Variants in IQSEC1 observed in about 807,000 individuals in gnomAD.
IQSEC1 encodes IQ motif and SEC7 domain-containing protein 1.
Under a neutral mutation model 91.0 loss-of-function variants are expected in IQSEC1, and 31 were observed. The observed-to-expected ratio is 0.34, with a 90% CI of 0.26 to 0.46. The LOEUF (loss-of-function observed/expected upper bound fraction) is 0.46, where lower values mean the gene tolerates loss of function less well. Ranked by LOEUF, IQSEC1 falls within the 20% of genes least tolerant of loss-of-function variation. IQSEC1 has a pLI of 1.00. For synonymous variants in IQSEC1, 699 were observed against 662.6 expected (o/e 1.05, Z -0.84); for missense variants, 1,388 against 1,575.6 (o/e 0.88, Z 2.02).
intron 1 of IQSEC1, among the ~76,000 whole-genome samples, chr3:13,191,217 G>A (rs910376216): frequency 3.3e-5 from 5 of 152,174 alleles, no homozygotes; most frequent in Non-Finnish European, 4.4e-5. Flanking sequence ...GTGCTCCCTG[G>A]CACCACTAAA....
chr3:13,014,133 T>C (rs1703010371), intron 1 of IQSEC1, among the ~76,000 whole-genome samples: 1 of 152,210 alleles, frequency 6.6e-6, no homozygotes, highest in South Asian at 2.1e-4. Context: ...CTGTAACCCC[T>C]GAACCTGACC....
chr3:12,907,378 T>TG (rs1220064755), intron 12 of IQSEC1, among the ~76,000 whole-genome samples: 4 of 151,878 alleles, frequency 2.6e-5, no homozygotes, highest in Non-Finnish European at 4.4e-5. Flanking sequence ...ACCCCAGGAA[T>TG]GGGGGGGTCT....
At chr3:13,219,581 T>C (rs1471705784) in intron 1 of IQSEC1, among the ~76,000 whole-genome samples, 1 of 152,248 alleles carries the variant, frequency 6.6e-6, no homozygotes, top group Non-Finnish European at 1.5e-5. Context: ...CCCGGCGGTC[T>C]TCGGGGATCA....
At chr3:13,144,731 T>C (rs1032349190) in intron 2 of IQSEC1, among the ~76,000 whole-genome samples, 1 of 152,174 alleles carries the variant, frequency 6.6e-6, no homozygotes, top group Non-Finnish European at 1.5e-5. Flanking sequence ...GAGACAGAGC[T>C]GACAAGAAAT....
intron 1 of IQSEC1, among the ~76,000 whole-genome samples, chr3:13,187,642 T>G (rs1693957311): frequency 6.6e-6 from 1 of 152,208 alleles, no homozygotes; most frequent in Non-Finnish European, 1.5e-5. Flanking sequence ...TCAATAAACA[T>G]TTATACACTA....
chr3:13,099,846 C>A (rs775255556), intron 2 of IQSEC1, among the ~76,000 whole-genome samples: 2 of 149,930 alleles, frequency 1.3e-5, no homozygotes, highest in African/African-American at 5.0e-5. Flanking sequence ...CCTCAGCACC[C>A]CTGGCAGAGG....
chr3:13,203,573 C>T (rs756331253), intron 1 of IQSEC1, among the ~76,000 whole-genome samples: 24 of 152,146 alleles, frequency 1.6e-4, no homozygotes, highest in Non-Finnish European at 3.4e-4. Flanking sequence ...GGAAACACAC[C>T]GGAGAGGCAA....
chr3:12,938,886 A>G (rs1487203179), intron 2 of IQSEC1, among the ~76,000 whole-genome samples: 1 of 152,188 alleles, frequency 6.6e-6, no homozygotes, highest in African/African-American at 2.4e-5. Flanking sequence ...TTTGTTCACC[A>G]GAGCCCCTGG....
In IQSEC1 at chr3:12,940,089, T is replaced by A. The variant is rs373249804; in HGVS notation, c.318+1482A>T. ...CTATTAAGTCCCAACCTTTCTCCTT[T>A]CTGTTTAAATGGCTCTGTTGCAGAC... On this transcript the variant is annotated intron_variant, in intron 2 of 13. Transcript: ENST00000613206. The surrounding 1 kb of genome is among the most constrained non-coding windows in gnomAD (Gnocchi z 4.4). Among the ~76,000 whole-genome samples the A allele has an allele frequency of 2.6e-5, 4 of 152,316 alleles. No homozygotes were observed. The highest frequency in any genetic ancestry group is 1.3e-4 in the Admixed American group (2 of 15,300).
chr3:13,252,833 C>T (rs1470094639), intron 1 of IQSEC1, among the ~76,000 whole-genome samples: 5 of 152,084 alleles, frequency 3.3e-5, no homozygotes, highest in Admixed American at 1.3e-4. Flanking sequence ...CCCGGGTTCA[C>T]GCCATTCTCC....
intron 1 of IQSEC1, chr3:13,022,104 T>C: frequency 8.1e-7 from 1 of 1,231,788 alleles, no homozygotes; most frequent in Non-Finnish European, 1.0e-6. Context: ...CCTTCATGCC[T>C]GGCTCGGTGG....
In IQSEC1 at chr3:13,208,489, C is replaced by T. The variant is rs965847385; in HGVS notation, c.273-44356G>A. 3.9e-5 allele frequency among the ~76,000 whole-genome samples: 6 copies of T among 152,264 alleles called. No individual in the cohort carries two copies. In the East Asian group the frequency reaches 5.8e-4, roughly 15 times the overall value. On this transcript the variant is annotated intron_variant, in intron 1 of 15. Transcript: ENST00000648114. ...CTGTTCACCTGTAACAACCCAGGCT[C>T]GGGAACCCACCCAGGGACACCTCCT... is the stretch of plus-strand genomic sequence containing the variant.
At chr3:13,031,934 C>T (rs1007655972) in intron 1 of IQSEC1, among the ~76,000 whole-genome samples, 2 of 152,086 alleles carry the variant, frequency 1.3e-5, no homozygotes, top group African/African-American at 4.8e-5. Context: ...CAACCTCTGG[C>T]TCTGTTTTTA....
intron 1 of IQSEC1, among the ~76,000 whole-genome samples, chr3:13,246,803 G>A (rs982086508): frequency 1.3e-5 from 2 of 152,168 alleles, no homozygotes; most frequent in African/African-American, 2.4e-5. Flanking sequence ...CTCCCTCCCT[G>A]CACGGACCGG....
chr3:12,915,119 A>G lies in IQSEC1; in HGVS notation c.2175T>C (p.His725=). The change falls in exon 8 of 14, where the codon CAT becomes CAC. Residue 725 remains histidine (H), a synonymous_variant. Transcript: ENST00000613206. Reference sequence around the variant, plus strand: ...AAATACTCACACAGCCGAGCCCGGGATGCAGGGATCCGATCTGCGGGAGAA... The same window carrying G: ...AAATACTCACACAGCCGAGCCCGGGGTGCAGGGATCCGATCTGCGGGAGAA... ...IVGKKPIGSL[H]PGLGCVLSLP... 1 of 1,609,100 alleles carries G rather than the reference A, an allele frequency of 6.2e-7. No individual in the cohort carries two copies. The highest frequency in any genetic ancestry group is 8.5e-7 in the Non-Finnish European group (1 of 1,177,320).
rs1046382686 is a variant in IQSEC1 at position 12,967,939 on chromosome 3, G to A, written c.24-26074C>T. 2.6e-5 allele frequency among the ~76,000 whole-genome samples: 4 copies of A among 151,796 alleles called. No homozygotes were observed. The highest frequency in any genetic ancestry group is 4.4e-5 in the Non-Finnish European group (3 of 67,784). ...CAGGGGCGGGGCTACGCGCAGGGGC[G>A]GGGCCGAGCCGAGGCGCGGGGTGCA... On this transcript the variant is annotated intron_variant, in intron 1 of 13. Transcript: ENST00000613206. This position sits in a 1 kb window ranked among gnomAD's most constrained non-coding sequence, Gnocchi z 5.9.
intron 1 of IQSEC1, among the ~76,000 whole-genome samples, chr3:12,966,019 T>C (rs1700539627): frequency 1.3e-5 from 2 of 152,334 alleles, no homozygotes; most frequent in South Asian, 4.1e-4. Flanking sequence ...TTTGCTCTCC[T>C]GCAATATGAG....
intron 1 of IQSEC1, among the ~76,000 whole-genome samples, chr3:13,203,574 G>A (rs575176251): frequency 5.9e-5 from 9 of 152,260 alleles, no homozygotes; most frequent in South Asian, 2.1e-4. Context: ...GAAACACACC[G>A]GAGAGGCAAG....
chr3:13,096,796 A>G (rs1705970790), intron 2 of IQSEC1, among the ~76,000 whole-genome samples: 1 of 151,900 alleles, frequency 6.6e-6, no homozygotes, highest in South Asian at 2.1e-4. Context: ...TGGGCCTTCG[A>G]CAGACAACCA....
Sources: gnomAD v4.1 joint callset for allele counts (sites outside exome capture counted in the v4.1 genomes callset) on GRCh38, gnomAD v4.1.1 for gene constraint, Gnocchi (gnomAD v3.1) non-coding constraint, MANE v1.5 for transcripts, NCBI Gene and HGNC (gene_info 2026-07-23, HGNC 2026-07-21) for gene names.